STXBP3: variants seen among roughly 807,000 people sequenced by gnomAD.
STXBP3 encodes the protein syntaxin binding protein 3.
In STXBP3, 41 loss-of-function variants were observed where a neutral mutation model predicts 85.7. The ratio of observed to expected loss-of-function variants is 0.48; its 90% CI spans 0.37 to 0.62. STXBP3 has a LOEUF of 0.62. Among genes scored for constraint, STXBP3 ranks in the 20% least tolerant of loss-of-function variants. The pLI is 0.00. For synonymous variants in STXBP3, 229 were observed against 231.7 expected (o/e 0.99, Z 0.10); for missense variants, 563 against 703.1 (o/e 0.80, Z 2.25).
intron 16 of STXBP3, among the ~76,000 whole-genome samples, chr1:108,799,607 C>T (rs1663190322): frequency 6.6e-6 from 1 of 152,042 alleles, no homozygotes; most frequent in Non-Finnish European, 1.5e-5. Context: ...CTTGTACTAC[C>T]ATGCCGTAAA....
chr1:108,798,362 T>TCA (rs1663158739), intron 16 of STXBP3, 125 bp downstream of exon 16: 2 of 512,316 alleles, frequency 3.9e-6, no homozygotes. Context: ...GTTGGAGGCT[T>TCA]CACAAAAAAG....
chr1:108,795,480 C>A (rs1427628814), intron 13 of STXBP3, among the ~76,000 whole-genome samples: 2 of 150,650 alleles, frequency 1.3e-5, no homozygotes, highest in African/African-American at 4.9e-5. Context: ...CTGGGCAAGA[C>A]CCTGTCTCTT....
chr1:108,773,425 C>T (rs1013175545), intron 7 of STXBP3, among the ~76,000 whole-genome samples: 2 of 152,148 alleles, frequency 1.3e-5, no homozygotes, highest in Non-Finnish European at 2.9e-5. Flanking sequence ...GAATTAAGTT[C>T]CTTGGTTATG....
At chr1:108,750,796 G>T (rs1661882942) in intron 1 of STXBP3, among the ~76,000 whole-genome samples, 1 of 152,162 alleles carries the variant, frequency 6.6e-6, no homozygotes, top group Non-Finnish European at 1.5e-5. Context: ...TACAAAGTCA[G>T]GAATTCCTAC....
intron 7 of STXBP3, among the ~76,000 whole-genome samples, chr1:108,775,644 G>C (rs1662572670): frequency 1.3e-5 from 2 of 152,182 alleles, no homozygotes; most frequent in South Asian, 4.1e-4. Flanking sequence ...CCGGAAGCAA[G>C]TGAGAACATG....
chr1:108,801,756 A>T (rs900352517), intron 17 of STXBP3, among the ~76,000 whole-genome samples: 1 of 151,830 alleles, frequency 6.6e-6, no homozygotes, highest in African/African-American at 2.4e-5. Context: ...ATAAACTCAA[A>T]CGCATGGGCT....
intron 1 of STXBP3, among the ~76,000 whole-genome samples, chr1:108,746,993 G>A (rs533254035): frequency 1.7e-4 from 26 of 151,476 alleles, no homozygotes; most frequent in Admixed American, 1.5e-3. Flanking sequence ...ACGGGACGCG[G>A]CCTTCTCGTT....
rs551274974 is a variant in STXBP3, at chr1:108,775,954, T to C, written c.594-379T>C. Among the ~76,000 whole-genome samples, 112 of 142,456 alleles carry C rather than the reference T, an allele frequency of 7.9e-4. 3 individuals are homozygous for C. In the South Asian group the frequency reaches 0.021, roughly 26 times the overall value. The allele number at this position is 142,456 out of a possible 152,430, so 93.5% of individuals were successfully genotyped here. A position where few individuals can be genotyped will look rare whatever the true frequency, so the allele number is the denominator to read the frequency against. ...ACACACACACACACACACACACACATACATATGAAACAGAAATGACTGGAG... is the reference window on the plus strand; with the variant it reads ...ACACACACACACACACACACACACACACATATGAAACAGAAATGACTGGAG... On this transcript the variant is annotated intron_variant, in intron 7 of 18. Transcript: ENST00000370008.
chr1:108,748,297 G>A (rs1218973050), intron 1 of STXBP3, among the ~76,000 whole-genome samples: 1 of 152,164 alleles, frequency 6.6e-6, no homozygotes, highest in Non-Finnish European at 1.5e-5. Context: ...ACTTTGGGAG[G>A]CCGGGGCAAG....
chr1:108,770,981 CAT>C (rs974434237), intron 6 of STXBP3, among the ~76,000 whole-genome samples: 1 of 152,008 alleles, frequency 6.6e-6, no homozygotes, highest in African/African-American at 2.4e-5. Context: ...GAACGGAAGA[CAT>C]GTATCAACTA....
chr1:108,758,606 T>G lies in STXBP3; in HGVS notation c.337+18T>G, dbSNP rs1355794062. On this transcript the variant is annotated intron_variant, in intron 5 of 18. Transcript: ENST00000370008. ...CACTGACTGTAAGTCTTTTAAAAAG[T>G]TATTGCTTCATTGTTCAAAATGCCA... 1.4e-6 allele frequency: 2 copies of G among 1,398,726 alleles called. No homozygotes were observed. The highest frequency in any genetic ancestry group is 1.9e-6 in the Non-Finnish European group (2 of 1,037,640). The allele number at this position is 1,398,726 out of a possible 1,614,324, so 86.6% of individuals were successfully genotyped here. A position where few individuals can be genotyped will look rare whatever the true frequency, so the allele number is the denominator to read the frequency against.
rs2101097872 is a variant in STXBP3, at chr1:108,746,759, A to G, written c.22A>G (p.Arg8Gly). 2.6e-6 allele frequency: 4 copies of G among 1,549,888 alleles called. No homozygotes were observed. The South Asian group carries it at 3.6e-5, about 14-fold the overall frequency. ...GAAGATGGCGCCGCCGGTGGCAGAG[A>G]GGGGGCTAAAGAGCGTCGTGTGGCA... MAPPVAE[R>G]GLKSVVWQKI... The change falls in exon 1 of 19, where the codon AGG (arginine) becomes GGG (glycine). Residue 8 changes from arginine (R) to glycine (G), a missense_variant. By Grantham distance (125) the Arg-to-Gly change is moderately radical. This residue lies in a region of STXBP3 where 37 missense variants were observed against 39.7 expected (regional missense o/e 0.93). Coordinates refer to ENST00000370008, the MANE Select transcript of STXBP3 (RefSeq NM_007269.4).
Position 108,796,687 on chromosome 1 carries a change from T to G in STXBP3, c.1317T>G (p.Ile439Met). ...AGATAGAAAATGAGAGTGACATGAT[T>G]CGTAACTGGAGTTACCTTGGTGTTC... ...NVKIENESDM[I>M]RNWSYLGVPI... Residue 439 changes from isoleucine to methionine, a missense_variant, in exon 15 of 19, where the codon ATT (isoleucine) becomes ATG (methionine). Transcript: ENST00000370008. The G allele has an allele frequency of 6.2e-7, 1 of 1,613,810 alleles. No individual in the cohort carries two copies. Among genetic ancestry groups the G allele is most frequent in the Admixed American group, 1.7e-5 (1 of 60,002 alleles).
chr1:108,759,968 T>G lies in STXBP3; in HGVS notation c.338-17T>G, dbSNP rs746122006. 54 of 1,432,512 alleles carry G rather than the reference T, an allele frequency of 3.8e-5. No individual in the cohort carries two copies. The Middle Eastern group carries it at 1.2e-3, about 33-fold the overall frequency. The allele number at this position is 1,432,512 out of a possible 1,614,324, so 88.7% of individuals were successfully genotyped here. ...AATCTAGATGTAACTATATGCTTTG[T>G]TTTTTTTTCCCCTCAGTTTGCCCTG... On this transcript the variant is annotated splice_polypyrimidine_tract_variant and intron_variant, in intron 5 of 18. Transcript: ENST00000370008.
chr1:108,794,223 A>G (rs1406341361), intron 12 of STXBP3, among the ~76,000 whole-genome samples: 8 of 152,224 alleles, frequency 5.3e-5, no homozygotes, highest in East Asian at 1.9e-4. Flanking sequence ...CACAAATTCA[A>G]CAATTCAATG....
chr1:108,755,400 T>A (rs1008636781), intron 3 of STXBP3, among the ~76,000 whole-genome samples: 1 of 152,262 alleles, frequency 6.6e-6, no homozygotes, highest in East Asian at 1.9e-4. Flanking sequence ...TAAACCCTGA[T>A]TGTGCCACTA....
intron 1 of STXBP3, among the ~76,000 whole-genome samples, chr1:108,749,794 A>C (rs937868224): frequency 3.3e-5 from 5 of 152,210 alleles, no homozygotes; most frequent in Non-Finnish European, 2.9e-5. Context: ...GGTAGATCCA[A>C]GTATCTTCAG....
At chr1:108,772,044 A>ATCTG (rs1386620073) in intron 6 of STXBP3, among the ~76,000 whole-genome samples, 1 of 111,490 alleles carries the variant, frequency 9.0e-6, no homozygotes, top group African/African-American at 3.5e-5. Flanking sequence ...TATGATATCT[A>ATCTG]TATATCATAT....
At position 108,809,114 on chromosome 1, in the gene STXBP3, A is replaced by ATT; in HGVS notation, c.*242_*243dup. On this transcript the variant is annotated 3_prime_UTR_variant, in exon 19 of 19. Coordinates refer to ENST00000370008, the MANE Select transcript of STXBP3 (RefSeq NM_007269.4). ...ATGTTAAAGTGCTTTCTAAAAGGAA[A>ATT]TTTTTTCACCTTTGGAGGAGAATAT... The ATT allele has an allele frequency of 5.4e-6, 2 of 371,516 alleles. No individual in the cohort carries two copies. Among genetic ancestry groups the ATT allele is most frequent in the South Asian group, 6.7e-5 (2 of 29,746 alleles). The allele number at this position is 371,516 out of a possible 1,614,324, so 23.0% of individuals were successfully genotyped here.
Sources: allele counts gnomAD v4.1 joint callset (sites outside exome capture counted in the v4.1 genomes callset), GRCh38; gene constraint gnomAD v4.1.1; regional missense constraint gnomAD v4.1.1; transcripts MANE v1.5; gene names NCBI Gene and HGNC (gene_info 2026-07-23, HGNC 2026-07-21).